Variants in DHX15 observed in about 807,000 individuals in gnomAD.
DHX15 encodes the protein DEAH-box helicase 15.
DHX15 carries 11 observed loss-of-function variants against 94.4 expected under a neutral mutation model. The observed-to-expected ratio is 0.12, with a 90% CI of 0.07 to 0.19. The LOEUF is 0.19. Among genes scored for constraint, DHX15 ranks in the 10% least tolerant of loss-of-function variants. DHX15 has a pLI of 1.00. For synonymous variants in DHX15, 338 were observed against 329.9 expected (o/e 1.02, Z -0.27); for missense variants, 304 against 988.5 (o/e 0.31, Z 9.29).
chr4:24,579,468 T>G (rs578129401), intron 1 of DHX15, among the ~76,000 whole-genome samples: 13 of 152,296 alleles, frequency 8.5e-5, no homozygotes, highest in African/African-American at 3.1e-4. Context: ...CTAGTTGAAG[T>G]ATAAGGGTTT....
At position 24,549,017 on chromosome 4, in the gene DHX15, A is replaced by T. The variant is rs147779733; in HGVS notation, c.1086T>A (p.Ile362=). ...GCTTTATTCTCTTACAGGCTTCATC[A>T]ATTTCCTACAAAATAAAAGTGAGTC... ...LLLFLTGQEE[I]DEACKRIKRE... Residue 362 remains isoleucine (I), a synonymous_variant, in exon 6 of 14, where the codon ATT becomes ATA. Transcript: ENST00000336812. The T allele has an allele frequency of 2.5e-6, 4 of 1,605,446 alleles. No individual in the cohort carries two copies. Among genetic ancestry groups the T allele is most frequent in the East Asian group, 2.2e-5 (1 of 44,824 alleles).
At chr4:24,560,659 A>T (rs1721854788) in intron 3 of DHX15, among the ~76,000 whole-genome samples, 1 of 152,172 alleles carries the variant, frequency 6.6e-6, no homozygotes, top group Admixed American at 6.5e-5. Context: ...ATGATGAAAC[A>T]TCTAATTCTA....
rs1388745783 is a variant in DHX15 at position 24,544,345 on chromosome 4, C to CCT, written c.1249-1321_1249-1320dup. ...GACTTCCCAAAATACTAACAGGAAA[C>CCT]CTCAGGGATTTAAAAACATAATAGC... On this transcript the variant is annotated intron_variant, in intron 6 of 13. Coordinates refer to ENST00000336812, the MANE Select transcript of DHX15 (RefSeq NM_001358.3). Among the ~76,000 whole-genome samples, 4 of 152,058 alleles carry CCT rather than the reference C, an allele frequency of 2.6e-5. 1 individual carries two copies. Among genetic ancestry groups the CCT allele is most frequent in the Admixed American group, 2.6e-4 (4 of 15,268 alleles).
At position 24,527,900 on chromosome 4, in the gene DHX15, T is replaced by C. The variant is rs1720995292; in HGVS notation, c.*24A>G. 3 of 1,539,520 alleles carry C rather than the reference T, an allele frequency of 1.9e-6. No homozygotes were observed. Among genetic ancestry groups the C allele is most frequent in the East Asian group, 2.2e-5 (1 of 44,478 alleles). ...TCATCTTTTAAAGCTGTCCTCTCAA[T>C]AACTTCAGTTCTAAGCACTGAATTC... On this transcript the variant is annotated 3_prime_UTR_variant, in exon 14 of 14. Coordinates refer to ENST00000336812, the MANE Select transcript of DHX15 (RefSeq NM_001358.3).
chr4:24,557,605 G>A (rs1721765352), intron 3 of DHX15, among the ~76,000 whole-genome samples: 1 of 152,050 alleles, frequency 6.6e-6, no homozygotes, highest in East Asian at 1.9e-4. Flanking sequence ...TCATTTATAT[G>A]CTTTATGCTT....
At position 24,548,877 on chromosome 4, in the gene DHX15, T is replaced by C; in HGVS notation, c.1226A>G (p.Gln409Arg). 1 of 1,613,156 alleles carries C rather than the reference T, an allele frequency of 6.2e-7. No homozygotes were observed. The highest frequency in any genetic ancestry group is 8.5e-7 in the Non-Finnish European group (1 of 1,179,602). ...TACCTTTCTTCCAATTGCTCCATTCTGTTTTTTGGGAGGTGGAGGCTCAAA... is the reference window on the plus strand; with the variant it reads ...TACCTTTCTTCCAATTGCTCCATTCCGTTTTTTGGGAGGTGGAGGCTCAAA... ...RIFEPPPPKK[Q>R]NGAIGRKVVV... Residue 409 changes from glutamine (Q) to arginine (R), a missense_variant, in exon 6 of 14, where the codon CAG becomes CGG. This residue lies in a region of DHX15 where 40 missense variants were observed against 107.1 expected (regional missense o/e 0.37). Coordinates refer to ENST00000336812, the MANE Select transcript of DHX15 (RefSeq NM_001358.3).
intron 3 of DHX15, among the ~76,000 whole-genome samples, chr4:24,568,481 T>TA (rs1453371953): frequency 3.9e-5 from 6 of 152,142 alleles, no homozygotes; most frequent in African/African-American, 7.2e-5. Flanking sequence ...AATGCTCCAT[T>TA]AAAAAAATCA....
intron 1 of DHX15, among the ~76,000 whole-genome samples, chr4:24,579,861 T>C (rs1425973998): frequency 6.6e-6 from 1 of 151,982 alleles, no homozygotes; most frequent in East Asian, 1.9e-4. Flanking sequence ...TGCCTCCCTG[T>C]TTCAAGCGAT....
At chr4:24,567,304 C>A (rs1418823572) in intron 3 of DHX15, among the ~76,000 whole-genome samples, 1 of 152,144 alleles carries the variant, frequency 6.6e-6, no homozygotes, top group Non-Finnish European at 1.5e-5. Flanking sequence ...CCAGGCTGGG[C>A]GTGGTGGCGG....
intron 3 of DHX15, among the ~76,000 whole-genome samples, chr4:24,569,162 TTATATA>T (rs1722062445): frequency 6.6e-6 from 1 of 152,182 alleles, no homozygotes; most frequent in African/African-American, 2.4e-5. Context: ...ACTGAAATAT[TTATATA>T]TATAATTATT....
intron 2 of DHX15, 104 bp from the exon 3 acceptor site, chr4:24,570,951 A>C: frequency 8.8e-7 from 1 of 1,137,370 alleles, no homozygotes; most frequent in Admixed American, 2.5e-5. Context: ...AACCAAATCC[A>C]ATTAGGCAAA....
At chr4:24,547,952 T>TACAC (rs1191925438) in intron 6 of DHX15, among the ~76,000 whole-genome samples, 1 of 81,846 alleles carries the variant, frequency 1.2e-5, no homozygotes. Flanking sequence ...TCTATATCTA[T>TACAC]ATCTATATCT....
chr4:24,555,519 T>TTTTCTAAATC (rs1289245240), intron 4 of DHX15, among the ~76,000 whole-genome samples: 6 of 152,330 alleles, frequency 3.9e-5, no homozygotes, highest in South Asian at 2.1e-4. Context: ...CCTCAGTTTT[T>TTTTCTAAATC]TTTCTAAAGA....
chr4:24,560,372 T>C (rs774340698), intron 3 of DHX15, among the ~76,000 whole-genome samples: 9 of 152,116 alleles, frequency 5.9e-5, no homozygotes, highest in Non-Finnish European at 1.0e-4. Flanking sequence ...CTTGGTTAAA[T>C]GTTTAAAACA....
intron 3 of DHX15, among the ~76,000 whole-genome samples, chr4:24,558,272 T>C (rs200123436): frequency 7.2e-5 from 11 of 152,244 alleles, no homozygotes; most frequent in African/African-American, 2.4e-4. Flanking sequence ...CAGTAGATTG[T>C]GAGACACATT....
chr4:24,570,579 T>C lies in DHX15; in HGVS notation c.701+75A>G, dbSNP rs368638063. Reference sequence around the variant, plus strand: ...AAATTTGGATGACATAAGCCTGCACTAGCAAAGTCTTCTATCTAATAGCAG... The same window carrying C: ...AAATTTGGATGACATAAGCCTGCACCAGCAAAGTCTTCTATCTAATAGCAG... On this transcript the variant is annotated intron_variant, in intron 3 of 13. Transcript: ENST00000336812. The C allele has an allele frequency of 1.0e-4, 148 of 1,411,204 alleles. No individual in the cohort carries two copies. In the East Asian group the frequency reaches 1.7e-3, roughly 17 times the overall value. 87.4% of individuals were successfully genotyped at this position (1,411,204 alleles called of 1,614,324 possible). A position where few individuals can be genotyped will look rare whatever the true frequency, so the allele number is the denominator to read the frequency against.
chr4:24,562,267 C>G (rs1721891881), intron 3 of DHX15, among the ~76,000 whole-genome samples: 1 of 151,844 alleles, frequency 6.6e-6, no homozygotes. Flanking sequence ...AAAAAGGCAT[C>G]TATTATAAAT....
rs546390178 is a variant in DHX15, at chr4:24,570,211, A to G, written c.701+443T>C. Among the ~76,000 whole-genome samples, 3 of 152,352 alleles carry G rather than the reference A, an allele frequency of 2.0e-5. No individual in the cohort carries two copies. The East Asian group carries it at 5.8e-4, about 29-fold the overall frequency. On this transcript the variant is annotated intron_variant, in intron 3 of 13. Transcript: ENST00000336812. ...AACAAAAGATTCCTCTTTTTAGCTT[A>G]TAACAGATGCACGGTAATAGCTGCA...
At chr4:24,536,449 C>A (rs1560761374) in intron 11 of DHX15, among the ~76,000 whole-genome samples, 1 of 152,134 alleles carries the variant, frequency 6.6e-6, no homozygotes, top group African/African-American at 2.4e-5. Flanking sequence ...CACAACTAAC[C>A]CCACTCCCAT....
Sources: gnomAD v4.1 joint callset for allele counts (sites outside exome capture counted in the v4.1 genomes callset) on GRCh38, gnomAD v4.1.1 for gene constraint, gnomAD v4.1.1 regional missense constraint, MANE v1.5 for transcripts, NCBI Gene and HGNC (gene_info 2026-07-23, HGNC 2026-07-21) for gene names.